Variants in CTNNA3 observed in about 807,000 individuals in gnomAD.
CTNNA3 encodes catenin alpha-3.
A neutral mutation model predicts 95.7 loss-of-function variants in CTNNA3; 76 were observed. That is an observed-to-expected ratio of 0.79 (90% confidence interval 0.66 to 0.96). The LOEUF is 0.96. Ranked by LOEUF, CTNNA3 falls within the 40% of genes least tolerant of loss-of-function variation. The pLI is 0.00. For synonymous variants in CTNNA3, 431 were observed against 374.4 expected, an observed-to-expected ratio of 1.15 and a Z score of -1.74; for missense variants, 1,191 against 1,089.8, an observed-to-expected ratio of 1.09 and a Z score of -1.31.
chr10:67,574,210 T>C (rs1444972133), intron 3 of CTNNA3, among the ~76,000 whole-genome samples: 2 of 152,326 alleles, frequency 1.3e-5, no homozygotes, highest in East Asian at 3.9e-4. Context: ...GAAGCAGGTT[T>C]GATTTTAGAT....
At chr10:66,759,866 T>G (rs1839533437) in intron 9 of CTNNA3, among the ~76,000 whole-genome samples, 2 of 152,226 alleles carry the variant, frequency 1.3e-5, no homozygotes, top group Non-Finnish European at 2.9e-5. Flanking sequence ...TGGGGTATAT[T>G]GAATTAAATG....
intron 9 of CTNNA3, among the ~76,000 whole-genome samples, chr10:66,627,355 C>T (rs188472128): frequency 6.6e-6 from 1 of 152,178 alleles, no homozygotes; most frequent in Non-Finnish European, 1.5e-5. Flanking sequence ...TAGGTCTAGC[C>T]TGGGCATATC....
chr10:67,387,599 T>C (rs1053265441), intron 5 of CTNNA3, among the ~76,000 whole-genome samples: 2 of 152,190 alleles, frequency 1.3e-5, no homozygotes, highest in African/African-American at 4.8e-5. Flanking sequence ...GCTCCACCTC[T>C]GGGGGCAGGG....
chr10:67,360,787 C>T (rs1842968615), intron 5 of CTNNA3, among the ~76,000 whole-genome samples: 1 of 151,984 alleles, frequency 6.6e-6, no homozygotes, highest in Non-Finnish European at 1.5e-5. Flanking sequence ...ATTGCAAAGA[C>T]AGTACCAAGG....
intron 3 of CTNNA3, 59 bp from the exon 4 acceptor site, chr10:67,539,728 A>G: frequency 6.7e-7 from 1 of 1,482,746 alleles, no homozygotes; most frequent in Non-Finnish European, 9.3e-7. Flanking sequence ...CTATTTCAGG[A>G]TTTATCAGCT....
At chr10:67,345,692 CCTTT>C (rs1376001089) in intron 5 of CTNNA3, among the ~76,000 whole-genome samples, 1 of 151,968 alleles carries the variant, frequency 6.6e-6, no homozygotes, top group Non-Finnish European at 1.5e-5. Context: ...TTTTCCCATC[CCTTT>C]ATTTTTAGTC....
At chr10:66,158,809 G>C (rs1203701243) in intron 13 of CTNNA3, among the ~76,000 whole-genome samples, 1 of 151,856 alleles carries the variant, frequency 6.6e-6, no homozygotes, top group South Asian at 2.1e-4. Flanking sequence ...TCTTTGTGTT[G>C]TCTATGATTT....
chr10:67,052,411 T>C (rs1340841417), intron 7 of CTNNA3, among the ~76,000 whole-genome samples: 1 of 152,012 alleles, frequency 6.6e-6, no homozygotes, highest in Non-Finnish European at 1.5e-5. Flanking sequence ...TTCACTAGGC[T>C]GTCCCTTCTT....
chr10:67,758,598 T>C (rs547332640), intron 1 of CTNNA3, among the ~76,000 whole-genome samples: 3 of 152,118 alleles, frequency 2.0e-5, no homozygotes, highest in Non-Finnish European at 4.4e-5. Flanking sequence ...TGTATTTTAA[T>C]GTAATCCTTA....
chr10:66,253,565 CTG>C (rs2090642952), intron 13 of CTNNA3, among the ~76,000 whole-genome samples: 1 of 152,168 alleles, frequency 6.6e-6, no homozygotes, highest in African/African-American at 2.4e-5. Flanking sequence ...GAGTTCACTG[CTG>C]TATCTCAGTA....
Position 66,875,618 on chromosome 10 carries a change from G to A in CTNNA3, c.1048-100094C>T, listed in dbSNP as rs914342859. Among the ~76,000 whole-genome samples the A allele has an allele frequency of 1.9e-4, 28 of 149,178 alleles. 1 individual carries two copies. Among genetic ancestry groups the A allele is most frequent in the African/African-American group, 6.8e-4 (28 of 41,232 alleles). On this transcript the variant is annotated intron_variant, in intron 7 of 17. Coordinates refer to ENST00000433211, the MANE Select transcript of CTNNA3 (RefSeq NM_013266.4). ...ATGGAAGGTAGTTATTCAATAATAC[G>A]ACAACATAATAAAAAGCTTTAAAAT... is the stretch of plus-strand genomic sequence containing the variant.
At chr10:66,534,229 G>A (rs1335234047) in intron 10 of CTNNA3, among the ~76,000 whole-genome samples, 5 of 151,964 alleles carry the variant, frequency 3.3e-5, no homozygotes. Flanking sequence ...TTAGCTAGAG[G>A]TCAGAACAGG....
At chr10:67,751,260 G>A in intron 1 of CTNNA3, 2 of 1,201,564 alleles carry the variant, frequency 1.7e-6, no homozygotes, top group Admixed American at 3.4e-5. Context: ...AGATTACACA[G>A]GGAATTCTCT....
intron 14 of CTNNA3, among the ~76,000 whole-genome samples, chr10:66,079,802 G>C (rs2080682374): frequency 6.6e-6 from 1 of 151,844 alleles, no homozygotes; most frequent in East Asian, 1.9e-4. Context: ...TAGTGACACA[G>C]TCGTGGCAAA....
At chr10:67,748,705 A>G (rs1476903316) in intron 1 of CTNNA3, among the ~76,000 whole-genome samples, 2 of 152,220 alleles carry the variant, frequency 1.3e-5, no homozygotes, top group African/African-American at 4.8e-5. Flanking sequence ...CTAGTCTGCA[A>G]AATAAGCAGC....
intron 7 of CTNNA3, among the ~76,000 whole-genome samples, chr10:66,963,666 G>A (rs1488377794): frequency 6.6e-6 from 1 of 151,970 alleles, no homozygotes; most frequent in African/African-American, 2.4e-5. Flanking sequence ...GTAAGGTATA[G>A]AGGGCATGTC....
chr10:67,390,605 A>G (rs1264384797), intron 5 of CTNNA3, among the ~76,000 whole-genome samples: 4 of 151,014 alleles, frequency 2.6e-5, no homozygotes, highest in Admixed American at 2.0e-4. Context: ...ACAACCAAAA[A>G]AGAGAATTTT....
chr10:66,053,736 T>C (rs1246767708), intron 15 of CTNNA3, among the ~76,000 whole-genome samples: 1 of 152,070 alleles, frequency 6.6e-6, no homozygotes. Flanking sequence ...GTGGCTGTGG[T>C]ATCTAATATT....
At chr10:66,891,595 C>G (rs1264308781) in intron 7 of CTNNA3, among the ~76,000 whole-genome samples, 3 of 152,096 alleles carry the variant, frequency 2.0e-5, no homozygotes, top group African/African-American at 7.2e-5. Context: ...TGCTTCTGTA[C>G]CTTTTCCATG....
Sources: gnomAD v4.1 joint callset for allele counts (sites outside exome capture counted in the v4.1 genomes callset) on GRCh38, gnomAD v4.1.1 for gene constraint, MANE v1.5 for transcripts, NCBI Gene and HGNC (gene_info 2026-07-23, HGNC 2026-07-21) for gene names.